Variants in PTPRD observed in about 807,000 individuals in gnomAD.
The protein encoded by PTPRD is receptor-type tyrosine-protein phosphatase delta.
PTPRD carries 34 observed loss-of-function variants against 214.5 expected under a neutral mutation model. The ratio of observed to expected loss-of-function variants is 0.16; its 90% CI spans 0.12 to 0.21. PTPRD has a LOEUF of 0.21. Ranked by LOEUF, PTPRD falls within the 10% of genes least tolerant of loss-of-function variation. The probability of loss-of-function intolerance (pLI) is 1.00; values close to 1 mark genes in which losing one functional copy is unlikely to be tolerated. For missense variants in PTPRD, 2,545 were observed against 2,398.7 expected (o/e 1.06, Z -1.27); for synonymous variants, 1,128 against 845.7 (o/e 1.33, Z -5.79).
chr9:9,395,313 AT>A (rs1471363676), intron 9 of PTPRD, among the ~76,000 whole-genome samples: 7 of 152,062 alleles, frequency 4.6e-5, no homozygotes, highest in African/African-American at 1.7e-4. Flanking sequence ...AATGTAAGGG[AT>A]TTTCAACTCC....
chr9:10,300,743 G>GA (rs898780738), intron 3 of PTPRD, among the ~76,000 whole-genome samples: 1 of 152,024 alleles, frequency 6.6e-6, no homozygotes, highest in African/African-American at 2.4e-5. Context: ...GGGTATCTCT[G>GA]AAAAAAAGGC....
At chr9:9,637,886 G>T (rs1224126575) in intron 7 of PTPRD, among the ~76,000 whole-genome samples, 2 of 152,150 alleles carry the variant, frequency 1.3e-5, no homozygotes, top group Non-Finnish European at 2.9e-5. Flanking sequence ...AAATCTAGTG[G>T]AAGGAAGCCA....
intron 4 of PTPRD, among the ~76,000 whole-genome samples, chr9:10,019,735 C>T (rs1002770624): frequency 2.0e-5 from 3 of 148,652 alleles, no homozygotes; most frequent in Non-Finnish European, 3.0e-5. Context: ...AATGAGAACA[C>T]ACGGACACAG....
chr9:10,481,325 CA>C (rs1172542051), intron 2 of PTPRD, among the ~76,000 whole-genome samples: 1 of 152,008 alleles, frequency 6.6e-6, no homozygotes, highest in African/African-American at 2.4e-5. Context: ...CAAAACAAAA[CA>C]AAAAATATCC....
At chr9:9,843,339 C>T (rs189204624) in intron 5 of PTPRD, among the ~76,000 whole-genome samples, 1 of 152,086 alleles carries the variant, frequency 6.6e-6, no homozygotes, top group Non-Finnish European at 1.5e-5. Context: ...AAAAAAGGTG[C>T]AAATGTATCA....
At chr9:10,186,088 T>C (rs1593473786) in intron 3 of PTPRD, among the ~76,000 whole-genome samples, 1 of 61,196 alleles carries the variant, frequency 1.6e-5, no homozygotes, top group Admixed American at 1.6e-4. Flanking sequence ...ATAAACAATA[T>C]TTTTTTTTTT....
chr9:9,856,882 G>A (rs2061660587), intron 5 of PTPRD, among the ~76,000 whole-genome samples: 1 of 152,178 alleles, frequency 6.6e-6, no homozygotes, highest in Non-Finnish European at 1.5e-5. Flanking sequence ...AGGATAAAAT[G>A]TAAAATAGAA....
At chr9:9,482,728 G>T (rs1295723855) in intron 8 of PTPRD, among the ~76,000 whole-genome samples, 1 of 152,152 alleles carries the variant, frequency 6.6e-6, no homozygotes, top group Admixed American at 6.6e-5. Flanking sequence ...TTTATAAACA[G>T]AAATTACAAA....
chr9:10,295,858 T>G (rs1368764916), intron 3 of PTPRD, among the ~76,000 whole-genome samples: 1 of 152,032 alleles, frequency 6.6e-6, no homozygotes, highest in Non-Finnish European at 1.5e-5. Flanking sequence ...TTGAATTGTG[T>G]GTGGGGCTTT....
At chr9:10,570,881 C>CTTT (rs113757928) in intron 2 of PTPRD, among the ~76,000 whole-genome samples, 1 of 140,828 alleles carries the variant, frequency 7.1e-6, no homozygotes. Flanking sequence ...GGTGAGTCTT[C>CTTT]TTTTTTTTTT....
rs180804133 is a variant in PTPRD at position 9,697,936 on chromosome 9, G to A, written c.-287+36597C>T. Among the ~76,000 whole-genome samples the A allele has an allele frequency of 3.6e-3, 553 of 152,204 alleles. 4 individuals carry two copies. Among genetic ancestry groups the A allele is most frequent in the African/African-American group, 0.012 (517 of 41,554 alleles). ...TACTTGATCCATTCTGCTATTGAGA[G>A]ACTTTAATGACTTTTTCAGTTCAGC... On this transcript the variant is annotated intron_variant, in intron 7 of 45. Coordinates refer to ENST00000381196, the MANE Select transcript of PTPRD (RefSeq NM_002839.4).
chr9:8,582,542 C>G (rs1429282392), intron 14 of PTPRD, among the ~76,000 whole-genome samples: 1 of 151,822 alleles, frequency 6.6e-6, no homozygotes, highest in Non-Finnish European at 1.5e-5. Context: ...ATGTGCATAC[C>G]TTATTGAGAA....
chr9:9,588,967 C>T (rs1330507356), intron 7 of PTPRD, among the ~76,000 whole-genome samples: 1 of 151,776 alleles, frequency 6.6e-6, no homozygotes, highest in African/African-American at 2.4e-5. Context: ...TATTCAAATA[C>T]AGCATTTTTA....
intron 9 of PTPRD, among the ~76,000 whole-genome samples, chr9:9,259,365 G>T (rs1431196869): frequency 6.6e-6 from 1 of 151,840 alleles, no homozygotes; most frequent in African/African-American, 2.4e-5. Context: ...ATGGCTGGAA[G>T]GTAATTTAGT....
intron 2 of PTPRD, among the ~76,000 whole-genome samples, chr9:10,360,683 A>C (rs1348434899): frequency 6.6e-6 from 1 of 152,214 alleles, no homozygotes; most frequent in Non-Finnish European, 1.5e-5. Flanking sequence ...TGACCCCCCA[A>C]AAGCTTTATT....
chr9:8,646,593 T>C (rs1220808715), intron 12 of PTPRD, among the ~76,000 whole-genome samples: 1 of 152,214 alleles, frequency 6.6e-6, no homozygotes, highest in Non-Finnish European at 1.5e-5. Context: ...CATTTTTCAA[T>C]TCTAAATTAA....
intron 12 of PTPRD, among the ~76,000 whole-genome samples, chr9:8,657,865 A>G (rs950971305): frequency 6.6e-6 from 1 of 152,204 alleles, no homozygotes; most frequent in African/African-American, 2.4e-5. Context: ...TTCCATGATC[A>G]TAACAATTTA....
intron 14 of PTPRD, among the ~76,000 whole-genome samples, chr9:8,542,160 T>C (rs2078616481): frequency 6.6e-6 from 1 of 151,954 alleles, no homozygotes; most frequent in African/African-American, 2.4e-5. Context: ...CAAAAGCAAA[T>C]GAAAGGAAAG....
chr9:8,824,029 G>C (rs1441838233), intron 11 of PTPRD, among the ~76,000 whole-genome samples: 1 of 152,298 alleles, frequency 6.6e-6, no homozygotes, highest in East Asian at 1.9e-4. Flanking sequence ...CATGGTGCTG[G>C]TGGGAGTGTA....
Sources: gnomAD v4.1 joint callset for allele counts (sites outside exome capture counted in the v4.1 genomes callset) on GRCh38, gnomAD v4.1.1 for gene constraint, MANE v1.5 for transcripts, NCBI Gene and HGNC (gene_info 2026-07-23, HGNC 2026-07-21) for gene names.